Variants in XKR9 observed in about 807,000 individuals in gnomAD.
The protein encoded by XKR9 is XK related 9.
In XKR9, 32 loss-of-function variants were observed where a neutral mutation model predicts 32.0. The ratio of observed to expected loss-of-function variants is 1.00; its 90% confidence interval spans 0.76 to 1.34. XKR9 has a LOEUF of 1.34. Among genes scored for constraint, XKR9 ranks in the 40% most tolerant of loss-of-function variants. The probability of loss-of-function intolerance (pLI) is 0.00; values close to 1 mark genes in which losing one functional copy is unlikely to be tolerated. For synonymous variants in XKR9, 168 were observed against 143.4 expected, an observed-to-expected ratio of 1.17 and a Z score of -1.22; for missense variants, 546 against 429.7, an observed-to-expected ratio of 1.27 and a Z score of -2.39.
rs114689137 is a variant in XKR9 at position 70,759,974 on chromosome 8, G to A, written n.353-29365G>A. On this transcript the variant is annotated intron_variant and non_coding_transcript_variant, in intron 2 of 3. Transcript: ENST00000520273. ...TACAGCTTATTTTAACCCTTTGAAG[G>A]ATTTAGTGTTCTAACTTGTCTGTTT... 1.5e-3 allele frequency among the ~76,000 whole-genome samples: 228 copies of A among 152,178 alleles called. 1 individual carries two copies. The highest frequency in any genetic ancestry group is 4.6e-3 in the African/African-American group (192 of 41,552).
chr8:70,951,688 G>A, the XKR9 span, among the ~76,000 whole-genome samples: 1 of 152,188 alleles, frequency 6.6e-6, no homozygotes, highest in Non-Finnish European at 1.5e-5. Context: ...CTTTGCCAGG[G>A]CAGATACTTA....
At chr8:70,694,166 G>T (rs1399240661) in intron 3 of XKR9, among the ~76,000 whole-genome samples, 3 of 152,230 alleles carry the variant, frequency 2.0e-5, no homozygotes. Flanking sequence ...CAAAGCTGTT[G>T]CCAGCTTAAA....
the XKR9 span, among the ~76,000 whole-genome samples, chr8:71,065,776 A>C: frequency 6.6e-6 from 1 of 152,324 alleles, no homozygotes; most frequent in East Asian, 1.9e-4. Flanking sequence ...TTAGTTTCCC[A>C]ATTTCCAAAA....
At chr8:70,958,015 C>T in the XKR9 span, among the ~76,000 whole-genome samples, 1 of 151,924 alleles carries the variant, frequency 6.6e-6, no homozygotes, top group Admixed American at 6.6e-5. Flanking sequence ...CTTAAACTCT[C>T]GATCTCAGGT....
the XKR9 span, among the ~76,000 whole-genome samples, chr8:71,032,305 A>AAT: frequency 7.1e-6 from 1 of 140,844 alleles, no homozygotes; most frequent in Non-Finnish European, 1.5e-5. Flanking sequence ...AAAAAAAAAA[A>AAT]AAACCACTTT....
At chr8:70,814,872 C>T in the XKR9 span, among the ~76,000 whole-genome samples, 2 of 152,164 alleles carry the variant, frequency 1.3e-5, no homozygotes, top group East Asian at 1.9e-4. Context: ...AAAACATTAA[C>T]TTTGATAAAT....
chr8:70,900,844 A>G, the XKR9 span, among the ~76,000 whole-genome samples: 12,709 of 151,862 alleles, frequency 0.084, 604 homozygotes, highest in African/African-American at 0.097. Context: ...GGTGTGTGAT[A>G]TTCCCCACCT....
chr8:70,778,924 A>G (rs1807572114), intron 2 of XKR9, among the ~76,000 whole-genome samples: 1 of 152,020 alleles, frequency 6.6e-6, no homozygotes, highest in Non-Finnish European at 1.5e-5. Flanking sequence ...TTTTTTCCTA[A>G]TGGAATACCC....
intron 2 of XKR9, among the ~76,000 whole-genome samples, chr8:70,770,222 T>G (rs1299559908): frequency 6.6e-6 from 1 of 152,152 alleles, no homozygotes; most frequent in Non-Finnish European, 1.5e-5. Context: ...CAGCTGGAGT[T>G]TGCTGGAGGT....
chr8:71,033,597 T>C, the XKR9 span, among the ~76,000 whole-genome samples: 2 of 152,152 alleles, frequency 1.3e-5, no homozygotes, highest in Non-Finnish European at 2.9e-5. Context: ...CCCTCATGAA[T>C]AGATTAATGT....
chr8:70,787,635 G>A (rs557771404), intron 2 of XKR9, among the ~76,000 whole-genome samples: 12 of 152,152 alleles, frequency 7.9e-5, no homozygotes, highest in Admixed American at 4.6e-4. Context: ...TATTTAAAAC[G>A]CTACAGAAGA....
At chr8:70,682,561 A>C (rs1819117389) in intron 3 of XKR9, among the ~76,000 whole-genome samples, 1 of 152,186 alleles carries the variant, frequency 6.6e-6, no homozygotes, top group African/African-American at 2.4e-5. Flanking sequence ...TGAATATTAC[A>C]CATTGTATAC....
At chr8:70,848,012 A>C in the XKR9 span, among the ~76,000 whole-genome samples, 9 of 152,258 alleles carry the variant, frequency 5.9e-5, no homozygotes, top group Non-Finnish European at 1.3e-4. Flanking sequence ...AGAACACACA[A>C]AAAAAGAAAA....
chr8:70,802,695 T>A, the XKR9 span, among the ~76,000 whole-genome samples: 1 of 152,224 alleles, frequency 6.6e-6, no homozygotes, highest in Non-Finnish European at 1.5e-5. Context: ...TCCCTTAGCA[T>A]TTGCTTGTCT....
chr8:70,998,941 CT>C, the XKR9 span, among the ~76,000 whole-genome samples: 5 of 152,116 alleles, frequency 3.3e-5, no homozygotes, highest in Non-Finnish European at 7.4e-5. Flanking sequence ...ATCTGGCCCC[CT>C]GTGTCCTTAG....
chr8:71,058,977 C>A, the XKR9 span, among the ~76,000 whole-genome samples: 2 of 152,126 alleles, frequency 1.3e-5, no homozygotes, highest in Non-Finnish European at 2.9e-5. Flanking sequence ...AAACTAATTG[C>A]CAAATAAACT....
At chr8:70,755,710 G>A (rs960542940) in intron 2 of XKR9, among the ~76,000 whole-genome samples, 9 of 141,174 alleles carry the variant, frequency 6.4e-5, no homozygotes, top group Non-Finnish European at 1.2e-4. Context: ...ATTGAATAAT[G>A]AGAACCCATG....
chr8:71,023,974 A>G, the XKR9 span, among the ~76,000 whole-genome samples: 1 of 152,086 alleles, frequency 6.6e-6, no homozygotes, highest in African/African-American at 2.4e-5. Context: ...CTAGTGGTGT[A>G]TACATATACC....
chr8:70,848,954 T>C, the XKR9 span, among the ~76,000 whole-genome samples: 1 of 152,152 alleles, frequency 6.6e-6, no homozygotes, highest in Non-Finnish European at 1.5e-5. Context: ...ATAAAGCAAG[T>C]TCTTAGAGAC....
Sources: allele counts gnomAD v4.1 joint callset (sites outside exome capture counted in the v4.1 genomes callset), GRCh38; gene constraint gnomAD v4.1.1; transcripts MANE v1.5; gene names NCBI Gene and HGNC (gene_info 2026-07-23, HGNC 2026-07-21).